Variants in SLC24A2 observed in about 807,000 individuals in gnomAD.
The protein encoded by SLC24A2 is solute carrier family 24 member 2.
In SLC24A2, 36 loss-of-function variants were observed where a neutral mutation model predicts 62.0. The observed-to-expected ratio is 0.58, with a 90% confidence interval of 0.44 to 0.77. The LOEUF (loss-of-function observed/expected upper bound fraction) is 0.77, where lower values mean the gene tolerates loss of function less well. Among genes scored for constraint, SLC24A2 ranks in the 30% least tolerant of loss-of-function variants. The probability of loss-of-function intolerance (pLI) is 0.00; values close to 1 mark genes in which losing one functional copy is unlikely to be tolerated. For synonymous variants in SLC24A2, 358 were observed against 294.0 expected (o/e 1.22, Z -2.23); for missense variants, 846 against 817.9 (o/e 1.03, Z -0.42).
chr9:19,983,284 C>A, the SLC24A2 span, among the ~76,000 whole-genome samples: 3 of 152,142 alleles, frequency 2.0e-5, no homozygotes, highest in Non-Finnish European at 2.9e-5. Context: ...TACAGACACA[C>A]AAAACCCCAA....
the SLC24A2 span, among the ~76,000 whole-genome samples, chr9:19,976,850 A>G: frequency 4.6e-5 from 7 of 152,256 alleles, no homozygotes; most frequent in Non-Finnish European, 1.0e-4. Context: ...GTTGATTTCA[A>G]TACAACTCTG....
the SLC24A2 span, among the ~76,000 whole-genome samples, chr9:20,117,307 G>A: frequency 6.6e-6 from 1 of 152,126 alleles, no homozygotes; most frequent in African/African-American, 2.4e-5. Flanking sequence ...GAGGAGGACA[G>A]AGCAACAGCA....
the SLC24A2 span, among the ~76,000 whole-genome samples, chr9:20,061,529 C>T: frequency 2.6e-5 from 4 of 152,188 alleles, no homozygotes; most frequent in Admixed American, 2.6e-4. Flanking sequence ...TCAAATGATC[C>T]ACCTGCCTCA....
Position 19,508,876 on chromosome 9 carries a change from G to A in SLC24A2, c.*7277C>T, listed in dbSNP as rs534603767. ...TGTGGGGACATCTTTATATATGTGTGTGTAAACAGTGTACCATACTAGGTT... is the reference window on the plus strand; with the variant it reads ...TGTGGGGACATCTTTATATATGTGTATGTAAACAGTGTACCATACTAGGTT... On this transcript the variant is annotated 3_prime_UTR_variant, in exon 11 of 11. Coordinates refer to ENST00000341998, the MANE Select transcript of SLC24A2 (RefSeq NM_020344.4). The A allele has an allele frequency of 3.3e-5, 5 of 152,274 alleles. No individual in the cohort carries two copies. The East Asian group carries it at 7.7e-4, about 23-fold the overall frequency. 9.4% of individuals were successfully genotyped at this position (152,274 alleles called of 1,614,324 possible).
the SLC24A2 span, among the ~76,000 whole-genome samples, chr9:20,141,447 T>A: frequency 6.6e-6 from 1 of 152,080 alleles, no homozygotes; most frequent in African/African-American, 2.4e-5. Context: ...TAATCCCTCT[T>A]GAGCTACAAC....
At chr9:19,710,363 G>T (rs907979515) in intron 2 of SLC24A2, among the ~76,000 whole-genome samples, 4 of 152,174 alleles carry the variant, frequency 2.6e-5, no homozygotes, top group African/African-American at 9.6e-5. Context: ...ACAAGGAGAG[G>T]GCCCGGTATC....
chr9:20,258,617 C>T, the SLC24A2 span, among the ~76,000 whole-genome samples: 5,284 of 152,258 alleles, frequency 0.035, 120 homozygotes, highest in African/African-American at 0.05. Flanking sequence ...AGCCCATGGG[C>T]CTTTCAGCCT....
chr9:19,983,250 A>G, the SLC24A2 span, among the ~76,000 whole-genome samples: 2,277 of 152,348 alleles, frequency 0.015, 19 homozygotes, highest in Non-Finnish European at 0.021. Context: ...GTTCCTATTT[A>G]TAGAAAATCC....
intron 7 of SLC24A2, among the ~76,000 whole-genome samples, chr9:19,567,967 A>G (rs1157409311): frequency 6.6e-6 from 1 of 152,172 alleles, no homozygotes; most frequent in Non-Finnish European, 1.5e-5. Context: ...ACAATGTGAA[A>G]TTAGTTCACT....
At chr9:20,162,371 G>C in the SLC24A2 span, among the ~76,000 whole-genome samples, 1 of 151,784 alleles carries the variant, frequency 6.6e-6, no homozygotes, top group Non-Finnish European at 1.5e-5. Flanking sequence ...TTCTAAACTT[G>C]TATGAAGCAA....
chr9:20,048,827 A>G, the SLC24A2 span, among the ~76,000 whole-genome samples: 1 of 151,942 alleles, frequency 6.6e-6, no homozygotes, highest in Non-Finnish European at 1.5e-5. Context: ...TCCCAGAAAA[A>G]TTTAGATCCA....
At chr9:20,071,496 T>C in the SLC24A2 span, among the ~76,000 whole-genome samples, 1 of 152,192 alleles carries the variant, frequency 6.6e-6, no homozygotes, top group Non-Finnish European at 1.5e-5. Flanking sequence ...TGTGCCTCTT[T>C]GAAGACTTGA....
At chr9:19,644,806 A>T (rs1320709543) in intron 2 of SLC24A2, among the ~76,000 whole-genome samples, 1 of 152,164 alleles carries the variant, frequency 6.6e-6, no homozygotes, top group African/African-American at 2.4e-5. Flanking sequence ...AATTCTTTAT[A>T]TAAAATATTT....
the SLC24A2 span, among the ~76,000 whole-genome samples, chr9:19,948,690 A>C: frequency 1.3e-5 from 2 of 151,688 alleles, no homozygotes; most frequent in Non-Finnish European, 1.5e-5. Context: ...CTAAAAATAC[A>C]AAAAATTAGC....
chr9:19,857,141 G>T, the SLC24A2 span, among the ~76,000 whole-genome samples: 1 of 152,190 alleles, frequency 6.6e-6, no homozygotes, highest in Non-Finnish European at 1.5e-5. Flanking sequence ...TGTCAGGAGA[G>T]AATCTATTTC....
chr9:20,096,179 A>G, the SLC24A2 span, among the ~76,000 whole-genome samples: 1 of 152,190 alleles, frequency 6.6e-6, no homozygotes, highest in South Asian at 2.1e-4. Context: ...GTAATTTTTA[A>G]GAGTATAATA....
intron 7 of SLC24A2, among the ~76,000 whole-genome samples, chr9:19,565,003 C>A (rs1345241581): frequency 6.6e-6 from 1 of 152,134 alleles, no homozygotes; most frequent in African/African-American, 2.4e-5. Context: ...TCTTTCAAAC[C>A]TGGCTAAATT....
chr9:19,663,253 C>T (rs764139283), intron 2 of SLC24A2, among the ~76,000 whole-genome samples: 5 of 152,186 alleles, frequency 3.3e-5, no homozygotes, highest in Non-Finnish European at 5.9e-5. Flanking sequence ...TAGTGAGTGC[C>T]ATGAGAGGAA....
chr9:20,099,987 T>G, the SLC24A2 span, among the ~76,000 whole-genome samples: 3 of 152,078 alleles, frequency 2.0e-5, no homozygotes, highest in Non-Finnish European at 2.9e-5. Context: ...TCTCTCTTAT[T>G]ATGAGGCTTA....
Sources: gnomAD v4.1 joint callset for allele counts (sites outside exome capture counted in the v4.1 genomes callset) on GRCh38, gnomAD v4.1.1 for gene constraint, MANE v1.5 for transcripts, NCBI Gene and HGNC (gene_info 2026-07-23, HGNC 2026-07-21) for gene names.